CUX1: variants seen among roughly 807,000 people sequenced by gnomAD.
CUX1 encodes the protein protein CASP.
A neutral mutation model predicts 158.8 loss-of-function variants in CUX1; 31 were observed. The ratio of observed to expected loss-of-function variants is 0.20; its 90% CI spans 0.15 to 0.26. The LOEUF is 0.26. CUX1 is among the 10% of genes least tolerant of loss of function. The pLI is 1.00. For missense variants in CUX1, 1,589 were observed against 2,014.6 expected, an observed-to-expected ratio of 0.79 and a Z score of 4.04; for synonymous variants, 879 against 862.1, an observed-to-expected ratio of 1.02 and a Z score of -0.34.
In CUX1 at chr7:102,189,937, CCAGGCTGGTGG is replaced by C. The variant is rs1794100535; in HGVS notation, c.1076+71_1076+81del. 24 of 1,556,470 alleles carry C rather than the reference CCAGGCTGGTGG, an allele frequency of 1.5e-5. No homozygotes were observed. In the South Asian group the frequency reaches 2.6e-4, roughly 17 times the overall value. On this transcript the variant is annotated intron_variant, in intron 12 of 23. Transcript: ENST00000292535. Reference sequence around the variant, plus strand: ...GCATTAGGGCCATCTGCTAACAATGCCAGGCTGGTGGCAGGAAGCCTTGGCCCCCTGCCCTC... The same window carrying C: ...GCATTAGGGCCATCTGCTAACAATGCCAGGAAGCCTTGGCCCCCTGCCCTC...
chr7:102,093,430 T>TCCG (rs1828859905), intron 4 of CUX1, among the ~76,000 whole-genome samples: 1 of 152,064 alleles, frequency 6.6e-6, no homozygotes, highest in Admixed American at 6.6e-5. Context: ...CAAACAATGT[T>TCCG]CCCTCCTCGG....
At chr7:101,996,268 C>T (rs1353976507) in intron 2 of CUX1, among the ~76,000 whole-genome samples, 1 of 151,028 alleles carries the variant, frequency 6.6e-6, no homozygotes, top group Non-Finnish European at 1.5e-5. Context: ...CTTCCTGTGT[C>T]ACCATCCTCT....
At chr7:102,064,969 G>A (rs1278308417) in intron 3 of CUX1, among the ~76,000 whole-genome samples, 1 of 152,206 alleles carries the variant, frequency 6.6e-6, no homozygotes, top group Non-Finnish European at 1.5e-5. Context: ...AGTAAGCAAA[G>A]CACGGAACTA....
chr7:102,185,810 A>G (rs1453380696), intron 11 of CUX1, among the ~76,000 whole-genome samples: 2 of 152,080 alleles, frequency 1.3e-5, no homozygotes, highest in African/African-American at 4.8e-5. Flanking sequence ...CCTCTCCGGC[A>G]TCTCACTTCC....
intron 2 of CUX1, among the ~76,000 whole-genome samples, chr7:102,015,149 G>A (rs1439170951): frequency 1.3e-5 from 2 of 152,296 alleles, no homozygotes; most frequent in East Asian, 1.9e-4. Context: ...GCACACAAGC[G>A]ATGAATAAAC....
At chr7:102,147,835 A>G (rs879994271) in intron 8 of CUX1, among the ~76,000 whole-genome samples, 21 of 151,936 alleles carry the variant, frequency 1.4e-4, no homozygotes, top group Non-Finnish European at 2.5e-4. Flanking sequence ...GATCTCTACT[A>G]AAAAAATAGA....
At position 102,249,138 on chromosome 7, in the gene CUX1, G is replaced by A. The variant is rs1253457705; in HGVS notation, c.*96G>A. On this transcript the variant is annotated 3_prime_UTR_variant, in exon 24 of 24. Transcript: ENST00000292535. ...GCTGCGGACACCGTGGCCTGGGCTT[G>A]GCCCGCGGCCTGCACCGACCCCGGG... 1.7e-5 allele frequency: 20 copies of A among 1,166,830 alleles called. No homozygotes were observed. Among genetic ancestry groups the A allele is most frequent in the South Asian group, 1.2e-4 (3 of 24,266 alleles). The allele number at this position is 1,166,830 out of a possible 1,614,324, so 72.3% of individuals were successfully genotyped here.
chr7:102,130,226 C>T (rs1833066081), intron 8 of CUX1, among the ~76,000 whole-genome samples: 1 of 152,184 alleles, frequency 6.6e-6, no homozygotes, highest in Non-Finnish European at 1.5e-5. Context: ...TATGGCATCA[C>T]TCCCGCACAG....
chr7:102,084,858 CT>C (rs60908109), intron 4 of CUX1, among the ~76,000 whole-genome samples: 4,444 of 56,080 alleles, frequency 0.079, 27 homozygotes, highest in Non-Finnish European at 0.11. Flanking sequence ...ATTTTCCTTG[CT>C]TTTTTTTTTT....
At position 102,211,097 on chromosome 7, in the gene CUX1, G is replaced by A. The variant is rs529655297; in HGVS notation, c.3130+5927G>A. Among the ~76,000 whole-genome samples, 6 of 152,312 alleles carry A rather than the reference G, an allele frequency of 3.9e-5. No homozygotes were observed. In the South Asian group the frequency reaches 1.2e-3, roughly 32 times the overall value. On this transcript the variant is annotated intron_variant, in intron 20 of 23. Coordinates refer to ENST00000292535, the MANE Select transcript of CUX1 (RefSeq NM_181552.4). ...AGTGTCGGGGGCATGTGGATAGCAT[G>A]TTCATAGGGACAGGAGAGGCTGATT...
chr7:102,007,498 G>A (rs1020123312), intron 2 of CUX1, among the ~76,000 whole-genome samples: 2 of 151,682 alleles, frequency 1.3e-5, no homozygotes, highest in African/African-American at 2.4e-5. Context: ...TGCCAGCTCC[G>A]GGTATTTCCC....
intron 2 of CUX1, among the ~76,000 whole-genome samples, chr7:102,018,854 G>A (rs1186407869): frequency 6.6e-6 from 1 of 152,144 alleles, no homozygotes; most frequent in Non-Finnish European, 1.5e-5. Context: ...TCAGAGTGAG[G>A]CTATCATCAC....
intron 3 of CUX1, among the ~76,000 whole-genome samples, chr7:102,040,873 A>C (rs368673380): frequency 2.6e-5 from 4 of 152,292 alleles, no homozygotes; most frequent in South Asian, 4.1e-4. Context: ...GGTTACCCAG[A>C]TCCTCCCCCA....
At chr7:101,957,277 C>T (rs1216849531) in intron 2 of CUX1, among the ~76,000 whole-genome samples, 1 of 152,214 alleles carries the variant, frequency 6.6e-6, no homozygotes, top group Non-Finnish European at 1.5e-5. Flanking sequence ...AATACCTGCA[C>T]ATCACACAAG....
chr7:102,141,789 A>ATTTTTTTTTTT (rs71123009), intron 8 of CUX1, among the ~76,000 whole-genome samples: 364 of 102,562 alleles, frequency 3.5e-3, no homozygotes, highest in Non-Finnish European at 5.0e-3. Context: ...CTCTCAGCTA[A>ATTTTTTTTTTT]TTTTTTTTTT....
At chr7:102,168,923 C>CTTTTTTTTT (rs1191271149) in intron 9 of CUX1, among the ~76,000 whole-genome samples, 2 of 45,054 alleles carry the variant, frequency 4.4e-5, no homozygotes, top group African/African-American at 3.2e-4. Flanking sequence ...ATTTTCTTTT[C>CTTTTTTTTT]TTTTCTTTTA....
chr7:102,191,963 G>A lies in CUX1; in HGVS notation c.1077-1879G>A, dbSNP rs1180789298. ...ACTGAAGGGCTGCCACACCAGCCCC[G>A]CTTGTCACTGCATTTCTGCTAACTC... is the stretch of plus-strand genomic sequence containing the variant. On this transcript the variant is annotated intron_variant, in intron 12 of 23. Transcript: ENST00000292535. Among the ~76,000 whole-genome samples, 6 of 152,108 alleles carry A rather than the reference G, an allele frequency of 3.9e-5. No homozygotes were observed. In the East Asian group the frequency reaches 7.7e-4, roughly 20 times the overall value.
At chr7:101,822,600 C>A (rs77418389) in intron 1 of CUX1, 2,897 of 152,270 alleles carry the variant, frequency 0.019, 87 homozygotes, top group African/African-American at 0.066. Flanking sequence ...GTGAACCATT[C>A]TTTTCGAAAG....
chr7:101,839,636 G>A (rs1442005369), intron 1 of CUX1, among the ~76,000 whole-genome samples: 2 of 150,984 alleles, frequency 1.3e-5, no homozygotes, highest in Admixed American at 6.6e-5. Flanking sequence ...TTCAGATTTC[G>A]CCTTTTGTAA....
Sources: allele counts gnomAD v4.1 joint callset (sites outside exome capture counted in the v4.1 genomes callset), GRCh38; gene constraint gnomAD v4.1.1; transcripts MANE v1.5; gene names NCBI Gene and HGNC (gene_info 2026-07-23, HGNC 2026-07-21).